LIMCH1: variants seen among roughly 807,000 people sequenced by gnomAD.
LIMCH1 encodes the protein LIM and calponin homology domains-containing protein 1.
LIMCH1 carries 113 observed loss-of-function variants against 176.5 expected under a neutral mutation model. The ratio of observed to expected loss-of-function variants is 0.64; its 90% CI spans 0.55 to 0.75. LIMCH1 has a LOEUF of 0.75. LIMCH1 is among the 30% of genes least tolerant of loss of function. The pLI is 0.00. For synonymous variants in LIMCH1, 619 were observed against 645.9 expected (o/e 0.96, Z 0.63); for missense variants, 1,674 against 1,814.9 (o/e 0.92, Z 1.41).
chr4:41,609,150 G>A (rs548642003), intron 4 of LIMCH1, among the ~76,000 whole-genome samples: 13 of 152,216 alleles, frequency 8.5e-5, no homozygotes, highest in African/African-American at 3.1e-4. Flanking sequence ...GGAAGAAAGG[G>A]AAAAGGGGAG....
intron 31 of LIMCH1, among the ~76,000 whole-genome samples, chr4:41,693,746 A>C (rs1177761708): frequency 6.6e-6 from 1 of 152,164 alleles, no homozygotes; most frequent in Admixed American, 6.6e-5. Context: ...CGTCTTCTAT[A>C]AATTATTCTT....
chr4:41,603,677 C>T (rs1220559485), intron 2 of LIMCH1, among the ~76,000 whole-genome samples, 198 bp from the exon 3 acceptor site: 1 of 152,166 alleles, frequency 6.6e-6, no homozygotes, highest in East Asian at 1.9e-4. Flanking sequence ...TTAATCCCAC[C>T]TTGTCCTTCT....
At chr4:41,463,476 A>G (rs558399271) in intron 1 of LIMCH1, among the ~76,000 whole-genome samples, 3 of 152,238 alleles carry the variant, frequency 2.0e-5, no homozygotes, top group Middle Eastern at 3.4e-3. Context: ...CTCCTAGTCA[A>G]TTGTGACATG....
intron 1 of LIMCH1, among the ~76,000 whole-genome samples, chr4:41,414,272 C>T (rs1348371981): frequency 2.0e-5 from 3 of 152,076 alleles, no homozygotes; most frequent in East Asian, 3.9e-4. Context: ...CAGCACTAGA[C>T]GTAGCCGAGT....
At chr4:41,500,451 A>G (rs569926036) in intron 2 of LIMCH1, among the ~76,000 whole-genome samples, 1 of 152,342 alleles carries the variant, frequency 6.6e-6, no homozygotes, top group South Asian at 2.1e-4. Context: ...AAAATTCTCT[A>G]TAGATAACGA....
chr4:41,678,744 G>A (rs1014881014), intron 23 of LIMCH1, among the ~76,000 whole-genome samples: 1 of 151,862 alleles, frequency 6.6e-6, no homozygotes, highest in Admixed American at 6.6e-5. Flanking sequence ...GTGTGTGTGT[G>A]TGAGTGAAAT....
chr4:41,373,784 A>G (rs2054322018), intron 1 of LIMCH1, among the ~76,000 whole-genome samples: 1 of 152,118 alleles, frequency 6.6e-6, no homozygotes, highest in Admixed American at 6.5e-5. Context: ...TCCCTGCCCA[A>G]ATCTCATGTT....
At chr4:41,402,907 C>T (rs553509094) in intron 1 of LIMCH1, among the ~76,000 whole-genome samples, 1 of 150,608 alleles carries the variant, frequency 6.6e-6, no homozygotes, top group Non-Finnish European at 1.5e-5. Context: ...AGCACACCAG[C>T]ATGGCACATG....
intron 1 of LIMCH1, among the ~76,000 whole-genome samples, chr4:41,469,971 T>C (rs1036785873): frequency 2.6e-5 from 4 of 152,296 alleles, no homozygotes; most frequent in Non-Finnish European, 5.9e-5. Context: ...TGAGCCACCA[T>C]GCCTGGCCAA....
intron 17 of LIMCH1, among the ~76,000 whole-genome samples, chr4:41,649,526 C>G (rs553268495): frequency 6.6e-6 from 1 of 152,166 alleles, no homozygotes; most frequent in Non-Finnish European, 1.5e-5. Context: ...TCCATAACAG[C>G]ACTATGAGGA....
At chr4:41,686,668 A>G (rs1382871627) in intron 28 of LIMCH1, among the ~76,000 whole-genome samples, 1 of 152,216 alleles carries the variant, frequency 6.6e-6, no homozygotes, top group African/African-American at 2.4e-5. Flanking sequence ...TGCCTCGTTT[A>G]TAAAATGGGA....
chr4:41,509,702 C>T (rs2074619932), intron 2 of LIMCH1, among the ~76,000 whole-genome samples: 1 of 152,170 alleles, frequency 6.6e-6, no homozygotes, highest in Non-Finnish European at 1.5e-5. Flanking sequence ...CAACAGGCTT[C>T]TGTTAGAAAG....
At chr4:41,414,405 T>A (rs562035189) in intron 1 of LIMCH1, among the ~76,000 whole-genome samples, 5 of 152,208 alleles carry the variant, frequency 3.3e-5, no homozygotes, top group Non-Finnish European at 7.3e-5. Context: ...CCTCTCAACT[T>A]CTCACATTCC....
chr4:41,409,747 A>G (rs1192540615), intron 1 of LIMCH1, among the ~76,000 whole-genome samples: 1 of 152,168 alleles, frequency 6.6e-6, no homozygotes, highest in Non-Finnish European at 1.5e-5. Context: ...TTTGTTTAAT[A>G]ATATTGCCAG....
At chr4:41,644,461 G>C in intron 14 of LIMCH1, 39 bp from the exon 15 acceptor site, 1 of 1,452,826 alleles carries the variant, frequency 6.9e-7, no homozygotes, top group South Asian at 1.4e-5. Flanking sequence ...GACGGGCGCT[G>C]ATCGCGGTCC....
intron 13 of LIMCH1, among the ~76,000 whole-genome samples, chr4:41,634,616 A>G (rs2093486283): frequency 6.6e-6 from 1 of 152,194 alleles, no homozygotes; most frequent in South Asian, 2.1e-4. Context: ...CATTCTTCTG[A>G]ATAAAACAGT....
intron 7 of LIMCH1, among the ~76,000 whole-genome samples, chr4:41,622,849 G>A (rs923274178): frequency 1.1e-4 from 16 of 152,178 alleles, no homozygotes; most frequent in African/African-American, 3.9e-4. Context: ...TTAATGTCAT[G>A]ATGCCTCAGG....
chr4:41,370,435 T>C (rs1229811887), intron 1 of LIMCH1, among the ~76,000 whole-genome samples: 2 of 152,158 alleles, frequency 1.3e-5, no homozygotes, highest in African/African-American at 2.4e-5. Context: ...ATGGTATCAA[T>C]AAATGGCCAC....
chr4:41,547,859 G>A lies in LIMCH1; in HGVS notation c.-241+9509G>A, dbSNP rs1450589942. The stretch of plus-strand genomic sequence containing the variant: ...ATGTTTTATGATATATAATTTGTGT[G>A]TGTGTATATATATATATATATATAT... On this transcript the variant is annotated intron_variant, in intron 1 of 31. Coordinates refer to ENST00000503057, the MANE Select transcript of LIMCH1 (RefSeq NM_001330672.2). Among the ~76,000 whole-genome samples, 309 of 69,284 alleles carry A rather than the reference G, an allele frequency of 4.5e-3. 2 individuals are homozygous for A. The highest frequency in any genetic ancestry group is 0.019 in the African/African-American group (278 of 14,678). 45.5% of individuals were successfully genotyped at this position (69,284 alleles called of 152,430 possible).
Sources: allele counts gnomAD v4.1 joint callset (sites outside exome capture counted in the v4.1 genomes callset), GRCh38; gene constraint gnomAD v4.1.1; transcripts MANE v1.5; gene names NCBI Gene and HGNC (gene_info 2026-07-23, HGNC 2026-07-21).